Variants in COXFA4 observed in about 807,000 individuals in gnomAD.
The protein encoded by COXFA4 is cytochrome c oxidase subunit FA4.
chr7:10,939,063 A>G, the COXFA4 span: 6 of 580,410 alleles, frequency 1.0e-5, no homozygotes, highest in Admixed American at 2.9e-5. Flanking sequence ...AAGATTTCTT[A>G]TAACTGTGTT....
the COXFA4 span, among the ~76,000 whole-genome samples, chr7:10,937,360 G>A: frequency 6.6e-6 from 1 of 151,626 alleles, no homozygotes; most frequent in South Asian, 2.1e-4. Context: ...CTGGCTCACT[G>A]CAACCTCCAC....
At chr7:10,936,870 T>C in the COXFA4 span, among the ~76,000 whole-genome samples, 2 of 152,184 alleles carry the variant, frequency 1.3e-5, no homozygotes, top group South Asian at 4.1e-4. Flanking sequence ...ACCCCATCTC[T>C]ACTAAAAACA....
At chr7:10,933,558 T>C in the COXFA4 span, 1 of 1,110,602 alleles carries the variant, frequency 9.0e-7, no homozygotes, top group South Asian at 1.3e-5. Flanking sequence ...AAATATTTCC[T>C]GGTTAAGTGG....
the COXFA4 span, among the ~76,000 whole-genome samples, chr7:10,936,055 T>C: frequency 5.3e-5 from 8 of 152,286 alleles, no homozygotes; most frequent in South Asian, 1.4e-3. Context: ...AAATCTGATG[T>C]CAGTGGGCCA....
At chr7:10,934,483 C>T in the COXFA4 span, among the ~76,000 whole-genome samples, 1 of 151,542 alleles carries the variant, frequency 6.6e-6, no homozygotes, top group Non-Finnish European at 1.5e-5. Flanking sequence ...TGTACACAAG[C>T]CCAAATAAGG....
the COXFA4 span, chr7:10,937,976 AAAGTTC>A: frequency 2.4e-6 from 2 of 848,746 alleles, no homozygotes; most frequent in Middle Eastern, 2.2e-4. Context: ...ACAGCTCTTT[AAAGTTC>A]AATATAATGG....
chr7:10,939,615 T>C, the COXFA4 span: 3 of 192,000 alleles, frequency 1.6e-5, no homozygotes, highest in African/African-American at 7.0e-5. Context: ...GGTGGTGCAA[T>C]GCGGCGAATA....
At chr7:10,938,360 G>A in the COXFA4 span, 1 of 534,768 alleles carries the variant, frequency 1.9e-6, no homozygotes, top group Admixed American at 3.4e-5. Flanking sequence ...CCTATCACAA[G>A]ATACTTTTTA....
chr7:10,935,541 A>C, the COXFA4 span, among the ~76,000 whole-genome samples: 2 of 152,174 alleles, frequency 1.3e-5, no homozygotes, highest in African/African-American at 4.8e-5. Flanking sequence ...TCATGTTGTA[A>C]CCTCAAACGC....
chr7:10,938,260 G>T, the COXFA4 span: 2 of 916,574 alleles, frequency 2.2e-6, no homozygotes, highest in Non-Finnish European at 3.4e-6. Flanking sequence ...ATGAGGTATG[G>T]TGTTATTTCA....
At chr7:10,940,036 G>T in the COXFA4 span, 1 of 1,613,770 alleles carries the variant, frequency 6.2e-7, no homozygotes, top group East Asian at 2.2e-5. Context: ...TTCTTGGCCT[G>T]ACCGATGATC....
chr7:10,937,132 T>C, the COXFA4 span, among the ~76,000 whole-genome samples: 2 of 152,192 alleles, frequency 1.3e-5, no homozygotes, highest in East Asian at 1.9e-4. Flanking sequence ...GGGGACCCTG[T>C]TCTTCAGAGT....
chr7:10,940,143 T>C, the COXFA4 span: 13 of 1,363,424 alleles, frequency 9.5e-6, no homozygotes, highest in African/African-American at 1.9e-4. Context: ...AATGAGACAC[T>C]ACGGACTTCC....
At chr7:10,935,241 T>C in the COXFA4 span, among the ~76,000 whole-genome samples, 1 of 152,218 alleles carries the variant, frequency 6.6e-6, no homozygotes, top group Non-Finnish European at 1.5e-5. Context: ...CAAAATTCTC[T>C]CTAGAATTTT....
chr7:10,936,599 A>G, the COXFA4 span, among the ~76,000 whole-genome samples: 1 of 152,224 alleles, frequency 6.6e-6, no homozygotes, highest in African/African-American at 2.4e-5. Flanking sequence ...TAGAGGCAAA[A>G]TATAACACAG....
the COXFA4 span, chr7:10,938,916 G>A: frequency 6.3e-7 from 1 of 1,577,028 alleles, no homozygotes; most frequent in South Asian, 1.1e-5. Flanking sequence ...ACACAAAATA[G>A]AATAACCATC....
chr7:10,939,880 A>G, the COXFA4 span: 1 of 993,596 alleles, frequency 1.0e-6, no homozygotes, highest in African/African-American at 1.6e-5. Flanking sequence ...TAAGATGACA[A>G]ACACTAGGCG....
chr7:10,939,942 C>T, the COXFA4 span: 1 of 1,545,754 alleles, frequency 6.5e-7, no homozygotes, highest in Non-Finnish European at 8.9e-7. Context: ...AGGACGTTCC[C>T]AGGGAACAGA....
chr7:10,938,334 G>A, the COXFA4 span: 2 of 569,458 alleles, frequency 3.5e-6, no homozygotes, highest in African/African-American at 1.9e-5. Context: ...TTAGAAAAAA[G>A]GTAGAACACA....
Sources: gnomAD v4.1 joint callset for allele counts (sites outside exome capture counted in the v4.1 genomes callset) on GRCh38, gnomAD v4.1.1 for gene constraint, MANE v1.5 for transcripts, NCBI Gene and HGNC (gene_info 2026-07-23, HGNC 2026-07-21) for gene names.